The following MGAM variants were observed in gnomAD, a reference collection of about 807,000 sequenced individuals.
MGAM encodes the protein maltase-glucoamylase.
In MGAM, 253 loss-of-function variants were observed where a neutral mutation model predicts 358.8. That is an observed-to-expected ratio of 0.71 (90% CI 0.64 to 0.78). The LOEUF is 0.78. Ranked by LOEUF, MGAM falls within the 30% of genes least tolerant of loss-of-function variation. The pLI, the probability that MGAM is intolerant of heterozygous loss-of-function variation, is 0.00. For synonymous variants in MGAM, 1,105 were observed against 1,227.1 expected, an observed-to-expected ratio of 0.90 and a Z score of 2.08; for missense variants, 3,080 against 3,432.6, an observed-to-expected ratio of 0.90 and a Z score of 2.57.
chr7:142,008,742 A>G (rs782622141), intron 3 of MGAM, 37 bp downstream of exon 3: 1 of 1,590,038 alleles, frequency 6.3e-7, no homozygotes, highest in Admixed American at 1.7e-5. Context: ...TTTAGAATTT[A>G]TGCAACTTGA....
At chr7:142,037,413 G>A (rs935658344) in intron 18 of MGAM, among the ~76,000 whole-genome samples, 2 of 152,178 alleles carry the variant, frequency 1.3e-5, no homozygotes, top group Non-Finnish European at 2.9e-5. Flanking sequence ...AAATACAAAT[G>A]AGGATATTAT....
intron 44 of MGAM, among the ~76,000 whole-genome samples, chr7:142,072,814 A>C (rs1464130674): frequency 6.8e-6 from 1 of 146,432 alleles, no homozygotes; most frequent in Non-Finnish European, 1.5e-5. Flanking sequence ...TCAGAGGTTC[A>C]CATTCTGTAC....
chr7:142,021,448 T>C lies in MGAM; in HGVS notation c.559-138T>C, dbSNP rs1806446738. ...TGCCCAAAGGTGAACCATTTGAGTTTGGTAACATAATGAGTACATCTACCT... is the reference window on the plus strand; with the variant it reads ...TGCCCAAAGGTGAACCATTTGAGTTCGGTAACATAATGAGTACATCTACCT... On this transcript the variant is annotated intron_variant, in intron 5 of 70. Transcript: ENST00000475668. 15 of 843,150 alleles carry C rather than the reference T, an allele frequency of 1.8e-5. No homozygotes were observed. The South Asian group carries it at 2.7e-4, about 15-fold the overall frequency. The allele number at this position is 843,150 out of a possible 1,614,324, so 52.2% of individuals were successfully genotyped here. A position where few individuals can be genotyped will look rare whatever the true frequency, so the allele number is the denominator to read the frequency against.
intron 2 of MGAM, 85 bp downstream of exon 2, chr7:142,005,742 G>GA: frequency 7.4e-7 from 1 of 1,352,886 alleles, no homozygotes; most frequent in Non-Finnish European, 1.0e-6. Context: ...ATGCTTTCAT[G>GA]CTCATGTGTG....
rs763228970 is a variant in MGAM, at chr7:142,055,543, G to C, written c.3315-15G>C. On this transcript the variant is annotated splice_polypyrimidine_tract_variant and intron_variant, in intron 27 of 70. Transcript: ENST00000475668. ...AGCTCATTTTCTGTTTCAAATCTGC[G>C]TTTTTGTGTTTCAGTTGGGACTCTC... 6 of 1,613,846 alleles carry C rather than the reference G, an allele frequency of 3.7e-6. No individual in the cohort carries two copies. The highest frequency in any genetic ancestry group is 1.7e-4 in the Middle Eastern group (1 of 6,060).
intron 68 of MGAM, 83 bp downstream of exon 68, chr7:142,100,973 C>A: frequency 8.2e-7 from 1 of 1,218,508 alleles, no homozygotes; most frequent in Non-Finnish European, 1.1e-6. Flanking sequence ...TCACCTTTTC[C>A]CTATTATAAC....
intron 41 of MGAM, 74 bp downstream of exon 41, chr7:142,066,795 C>T (rs1812802680): frequency 6.9e-7 from 1 of 1,447,032 alleles, no homozygotes; most frequent in African/African-American, 1.4e-5. Flanking sequence ...TTGATATACA[C>T]AACGCTTCCA....
At chr7:142,071,654 T>C (rs1449746803) in intron 44 of MGAM, among the ~76,000 whole-genome samples, 1 of 145,980 alleles carries the variant, frequency 6.9e-6, no homozygotes, top group Non-Finnish European at 1.6e-5. Context: ...TGCTCACCCA[T>C]GTTTCTTTAC....
At position 142,057,307 on chromosome 7, in the gene MGAM, A is replaced by G. The variant is rs552440112; in HGVS notation, c.3693+365A>G. 5.3e-5 allele frequency among the ~76,000 whole-genome samples: 8 copies of G among 149,586 alleles called. No individual in the cohort carries two copies. The South Asian group carries it at 1.5e-3, about 28-fold the overall frequency. Reference sequence around the variant, plus strand: ...TAGTGGTGTTGGTGATGGTGATGATAGTGGTGGGGGTGGTGGTAATGGGTG... The same window carrying G: ...TAGTGGTGTTGGTGATGGTGATGATGGTGGTGGGGGTGGTGGTAATGGGTG... On this transcript the variant is annotated intron_variant, in intron 30 of 70. Transcript: ENST00000475668.
intron 30 of MGAM, among the ~76,000 whole-genome samples, chr7:142,057,710 C>T (rs111563658): frequency 1.7e-4 from 26 of 152,164 alleles, no homozygotes; most frequent in African/African-American, 6.0e-4. Context: ...ACAACAGACA[C>T]TTACATACTA....
chr7:142,060,001 C>A, intron 33 of MGAM, 35 bp downstream of exon 33: 3 of 1,560,084 alleles, frequency 1.9e-6, no homozygotes, highest in South Asian at 2.4e-5. Context: ...TAGTCCCCAG[C>A]CTGAGGGTGG....
At position 142,034,260 on chromosome 7, in the gene MGAM, AGGAATCCTGGATG is replaced by A. The variant is rs782562695; in HGVS notation, c.1671_1683del (p.Arg557SerfsTer50). On this transcript the variant is annotated splice_acceptor_variant and coding_sequence_variant, in exon 15 of 71. Transcript: ENST00000475668. LOFTEE classifies it high-confidence loss of function. ...CACTGATTGATCCTGCTTTTGTTTC[AGGAATCCTGGATG>A]GGTACCTGTTCTGCAAGACTCTCTG... 2.5e-6 allele frequency: 4 copies of A among 1,578,398 alleles called. No homozygotes were observed. The African/African-American group carries it at 5.4e-5, about 21-fold the overall frequency.
chr7:142,042,147 ATAAT>A (rs1808865288), intron 21 of MGAM, among the ~76,000 whole-genome samples: 5 of 50,332 alleles, frequency 9.9e-5, no homozygotes, highest in Non-Finnish European at 1.3e-4. Context: ...TATATAACAT[ATAAT>A]ATATATACAT....
chr7:142,030,149 G>A (rs1554462777), intron 10 of MGAM: 1 of 516,948 alleles, frequency 1.9e-6, no homozygotes, highest in Non-Finnish European at 3.4e-6. Context: ...TAACCTGATG[G>A]CAGGGAGGGG....
intron 21 of MGAM, among the ~76,000 whole-genome samples, chr7:142,041,875 TATATATACGTATA>T (rs1380739835): frequency 2.3e-5 from 2 of 88,876 alleles, no homozygotes; most frequent in African/African-American, 8.5e-5. Context: ...ATATATATTA[TATATATACGTATA>T]ATATATAATA....
intron 32 of MGAM, 86 bp downstream of exon 32, chr7:142,059,686 G>T (rs1406599173): frequency 6.3e-7 from 1 of 1,588,602 alleles, no homozygotes; most frequent in Admixed American, 1.7e-5. Flanking sequence ...TTTCCATGTT[G>T]CAAGTAGATA....
chr7:142,017,776 A>G (rs946945935), intron 3 of MGAM, among the ~76,000 whole-genome samples: 43 of 152,208 alleles, frequency 2.8e-4, no homozygotes, highest in African/African-American at 1.0e-3. Flanking sequence ...TGTAAAAAAT[A>G]GCATTTAATT....
In MGAM at chr7:142,089,668, G is replaced by A. The variant is rs1437727343; in HGVS notation, c.6811-2245G>A. ...TAGCCAGGCGTGGTGGCACGCGCCT[G>A]TAATCCCACTTAGGAGGCTGAGGTA... On this transcript the variant is annotated intron_variant, in intron 57 of 70. Coordinates refer to ENST00000475668, the MANE Select transcript of MGAM (RefSeq NM_001365693.1). Among the ~76,000 whole-genome samples, 3 of 145,264 alleles carry A rather than the reference G, an allele frequency of 2.1e-5. 1 individual carries two copies. Among genetic ancestry groups the A allele is most frequent in the African/African-American group, 7.3e-5 (3 of 40,932 alleles).
chr7:142,095,346 T>A (rs915678794), intron 63 of MGAM, among the ~76,000 whole-genome samples: 6 of 152,198 alleles, frequency 3.9e-5, no homozygotes, highest in African/African-American at 1.4e-4. Context: ...TTGTAAAAAA[T>A]ATACCAAAAA....
Sources: gnomAD v4.1 joint callset for allele counts (sites outside exome capture counted in the v4.1 genomes callset) on GRCh38, gnomAD v4.1.1 for gene constraint, MANE v1.5 for transcripts, NCBI Gene and HGNC (gene_info 2026-07-23, HGNC 2026-07-21) for gene names.